The following DNAH5 variants were observed in gnomAD, a reference collection of about 807,000 sequenced individuals.
The protein encoded by DNAH5 is axonemal beta dynein heavy chain 5.
A neutral mutation model predicts 518.2 loss-of-function variants in DNAH5; 372 were observed. That is an observed-to-expected ratio of 0.72 (90% CI 0.66 to 0.78). The LOEUF is 0.78. Ranked by LOEUF, DNAH5 falls within the 30% of genes least tolerant of loss-of-function variation. The pLI is 0.00. For missense variants in DNAH5, 5,523 were observed against 5,687.0 expected (o/e 0.97, Z 0.93); for synonymous variants, 2,039 against 2,025.9 (o/e 1.01, Z -0.17).
In DNAH5 at chr5:13,829,659, T is replaced by A. The variant is rs769790746; in HGVS notation, c.6295A>T (p.Ile2099Phe). The change falls in exon 38 of 79, where the codon ATT becomes TTT. Residue 2099 changes from isoleucine to phenylalanine, a missense_variant. Ile to Phe is a conservative substitution (Grantham distance 21). Around this residue, in one of 3 missense-constraint regions of DNAH5, gnomAD observed 5,121 missense variants for 5,223.3 expected, o/e 0.98. Transcript: ENST00000265104. ...ATCATGGCCACTGAGCGGAAATTAA[T>A]CTTCAAGTTTTCAGGGAGTTCCTGC... ...GRQELPENLK[I>F]NFRSVAMMVP... is the part of the protein sequence containing the mutation. 1 of 1,614,210 alleles carries A rather than the reference T, an allele frequency of 6.2e-7. No homozygotes were observed. Among genetic ancestry groups the A allele is most frequent in the Non-Finnish European group, 8.5e-7 (1 of 1,180,028 alleles).
intron 52 of DNAH5, among the ~76,000 whole-genome samples, chr5:13,781,221 G>A (rs1381130477): frequency 6.6e-6 from 1 of 152,072 alleles, no homozygotes; most frequent in African/African-American, 2.4e-5. Flanking sequence ...ACACACAGCC[G>A]AGACCGTGCT....
At chr5:13,791,869 G>A in intron 50 of DNAH5, 125 bp downstream of exon 50, 1 of 767,080 alleles carries the variant, frequency 1.3e-6, no homozygotes, top group Non-Finnish European at 2.1e-6. Flanking sequence ...AAGCAGTAAA[G>A]AATACCCATG....
intron 29 of DNAH5, chr5:13,860,515 G>C (rs193000504): frequency 6.6e-6 from 1 of 152,162 alleles, no homozygotes; most frequent in South Asian, 2.1e-4. Context: ...CAGTGTATCT[G>C]GTACGTTGCA....
intron 1 of DNAH5, among the ~76,000 whole-genome samples, chr5:13,978,256 G>A (rs921492365): frequency 1.3e-5 from 2 of 152,206 alleles, no homozygotes; most frequent in Non-Finnish European, 2.9e-5. Context: ...CAGATATTTG[G>A]TGAAGCACTA....
At chr5:13,954,394 C>T (rs900387847) in intron 1 of DNAH5, among the ~76,000 whole-genome samples, 2 of 152,144 alleles carry the variant, frequency 1.3e-5, no homozygotes, top group African/African-American at 4.8e-5. Context: ...GGAAAATATA[C>T]CCTTTTATAT....
At chr5:13,754,490 T>C (rs1750704918) in intron 61 of DNAH5, 152 bp from the exon 62 acceptor site, 4 of 894,606 alleles carry the variant, frequency 4.5e-6, no homozygotes, top group African/African-American at 1.7e-5. Context: ...TTTCCATGTG[T>C]CTGTCAGCCC....
rs1296782165 is a variant in DNAH5, at chr5:13,714,426, G to A, written c.13104C>T (p.Pro4368=). 1 of 1,614,088 alleles carries A rather than the reference G, an allele frequency of 6.2e-7. No homozygotes were observed. The highest frequency in any genetic ancestry group is 1.7e-5 in the Admixed American group (1 of 60,028). Residue 4368 remains proline, a synonymous_variant, in exon 75 of 79, where the codon CCC becomes CCT. Transcript: ENST00000265104. ...TCACTTCAAAGGGGACATAGTCTGG[G>A]GGCAGCTTCTCCAGCATATCATCAG... ...RLADDMLEKL[P]PDYVPFEVKE... is the part of the protein sequence containing the mutation.
At chr5:13,885,894 A>G (rs1252926075) in intron 18 of DNAH5, 70 bp downstream of exon 18, 4 of 1,391,530 alleles carry the variant, frequency 2.9e-6, no homozygotes, top group Admixed American at 1.7e-5. Context: ...ATTGGTATGT[A>G]GAAAATGCAG....
At chr5:13,929,227 G>T (rs1215069682) in intron 2 of DNAH5, among the ~76,000 whole-genome samples, 1 of 152,142 alleles carries the variant, frequency 6.6e-6, no homozygotes, top group Admixed American at 6.5e-5. Flanking sequence ...GAAATAAGAC[G>T]ATCCCAAAAA....
intron 15 of DNAH5, among the ~76,000 whole-genome samples, chr5:13,896,048 G>A (rs1773882683): frequency 6.6e-6 from 1 of 151,858 alleles, no homozygotes; most frequent in Non-Finnish European, 1.5e-5. Flanking sequence ...CAATAATTTA[G>A]GTAGGAGCCA....
intron 35 of DNAH5, among the ~76,000 whole-genome samples, chr5:13,835,061 G>T (rs1285561692): frequency 2.0e-5 from 3 of 152,198 alleles, no homozygotes; most frequent in Non-Finnish European, 4.4e-5. Context: ...GAGGAGGGCA[G>T]ATCACCTGAG....
Position 13,876,801 on chromosome 5 carries a change from T to C in DNAH5, c.3279A>G (p.Ala1093=), listed in dbSNP as rs764928831. ...GCACGGGAATGGGTAAATTTACAGA[T>C]GCTATCTCCAAGGTATCTAAAAAGA... is the stretch of plus-strand genomic sequence containing the variant. ...ENELQDTLEI[A]SVNLPIPVQT... The change falls in exon 22 of 79, where the codon GCA becomes GCG. Residue 1093 remains alanine, a synonymous_variant. Coordinates refer to ENST00000265104, the MANE Select transcript of DNAH5 (RefSeq NM_001369.3). The C allele has an allele frequency of 2.5e-6, 4 of 1,613,738 alleles. 1 individual carries two copies. In the South Asian group the frequency reaches 3.3e-5, roughly 13 times the overall value.
chr5:13,701,160 T>C, intron 77 of DNAH5, 124 bp downstream of exon 77: 1 of 1,310,638 alleles, frequency 7.6e-7, no homozygotes, highest in Non-Finnish European at 1.1e-6. Flanking sequence ...CATGACAATG[T>C]AACTGCTAGT....
intron 35 of DNAH5, among the ~76,000 whole-genome samples, chr5:13,832,852 C>T (rs1217982808): frequency 6.6e-6 from 1 of 152,208 alleles, no homozygotes; most frequent in Non-Finnish European, 1.5e-5. Flanking sequence ...CAACCAACCC[C>T]ATGACCCCAG....
At chr5:13,807,253 C>T (rs1021581917) in intron 47 of DNAH5, among the ~76,000 whole-genome samples, 6 of 152,180 alleles carry the variant, frequency 3.9e-5, no homozygotes, top group Admixed American at 6.5e-5. Context: ...GGCAAGCAGA[C>T]TCTAGGGAAA....
In DNAH5 at chr5:13,724,646, G is replaced by A. The variant is rs543566441; in HGVS notation, c.12033+2861C>T. On this transcript the variant is annotated intron_variant, in intron 70 of 78. Coordinates refer to ENST00000265104, the MANE Select transcript of DNAH5 (RefSeq NM_001369.3). ...TGAAATGTAATCCCCAGTGATGAAA[G>A]TGGGGCCTGGTGGGAGGTGTTTGGG... Among the ~76,000 whole-genome samples, 112 of 152,314 alleles carry A rather than the reference G, an allele frequency of 7.4e-4. 2 individuals are homozygous for A. The highest frequency in any genetic ancestry group is 4.8e-3 in the Admixed American group (73 of 15,308).
chr5:13,700,082 G>C (rs573197362), intron 78 of DNAH5, among the ~76,000 whole-genome samples: 6 of 152,324 alleles, frequency 3.9e-5, no homozygotes, highest in African/African-American at 1.4e-4. Flanking sequence ...TAAGAACCCA[G>C]TATTTTACCA....
intron 35 of DNAH5, among the ~76,000 whole-genome samples, chr5:13,834,147 C>T (rs767395098): frequency 6.6e-6 from 1 of 152,110 alleles, no homozygotes; most frequent in Non-Finnish European, 1.5e-5. Context: ...AACAAATGGG[C>T]ATTTAGGGTA....
At chr5:13,762,567 C>T (rs1751927452) in intron 60 of DNAH5, among the ~76,000 whole-genome samples, 155 bp downstream of exon 60, 2 of 152,068 alleles carry the variant, frequency 1.3e-5, no homozygotes, top group Admixed American at 6.6e-5. Context: ...AAGAAAGAAA[C>T]ATCCCATGCT....
Sources: gnomAD v4.1 joint callset for allele counts (sites outside exome capture counted in the v4.1 genomes callset) on GRCh38, gnomAD v4.1.1 for gene constraint, gnomAD v4.1.1 regional missense constraint, MANE v1.5 for transcripts, NCBI Gene and HGNC (gene_info 2026-07-23, HGNC 2026-07-21) for gene names.